The following FAF2 variants were observed in gnomAD, a reference collection of about 807,000 sequenced individuals.
FAF2 encodes the protein Fas associated factor family member 2, also known as FAS-associated factor 2.
In FAF2, 9 loss-of-function variants were observed where a neutral mutation model predicts 62.3. The observed-to-expected ratio is 0.14, with a 90% CI of 0.09 to 0.25. The LOEUF is 0.25. Ranked by LOEUF, FAF2 falls within the 10% of genes least tolerant of loss-of-function variation. The pLI, the probability that FAF2 is intolerant of heterozygous loss-of-function variation, is 1.00. For missense variants in FAF2, 368 were observed against 556.2 expected, an observed-to-expected ratio of 0.66 and a Z score of 3.40; for synonymous variants, 202 against 198.0, an observed-to-expected ratio of 1.02 and a Z score of -0.17.
At position 176,499,061 on chromosome 5, in the gene FAF2, G is replaced by A; in HGVS notation, c.987G>A (p.Lys329=). 1 of 1,602,316 alleles carries A rather than the reference G, an allele frequency of 6.2e-7. No individual in the cohort carries two copies. The highest frequency in any genetic ancestry group is 1.1e-5 in the South Asian group (1 of 90,156). The change falls in exon 9 of 11, where the codon AAG becomes AAA. Residue 329 remains lysine, a synonymous_variant. Transcript: ENST00000261942. ...AGGAGGAGGAGGTGCAACAGCAAAAGTTGGCAGAGGAGAGACGGCGGCAGG... is the reference window on the plus strand; with the variant it reads ...AGGAGGAGGAGGTGCAACAGCAAAAATTGGCAGAGGAGAGACGGCGGCAGG... ...RRKEEEVQQQ[K]LAEERRRQNL...
chr5:176,490,771 G>A (rs887137132), intron 4 of FAF2, among the ~76,000 whole-genome samples: 1 of 151,614 alleles, frequency 6.6e-6, no homozygotes, highest in Admixed American at 6.6e-5. Context: ...TGACATCTCT[G>A]TTTTTTTCTA....
At chr5:176,461,918 T>G (rs950208204) in intron 1 of FAF2, among the ~76,000 whole-genome samples, 1 of 152,144 alleles carries the variant, frequency 6.6e-6, no homozygotes, top group African/African-American at 2.4e-5. Flanking sequence ...CTTGTAGGAT[T>G]TTTATAGTTT....
chr5:176,489,407 A>G (rs906192205), intron 4 of FAF2, among the ~76,000 whole-genome samples: 2 of 150,974 alleles, frequency 1.3e-5, no homozygotes, highest in African/African-American at 2.4e-5. Context: ...TTCCTCAACT[A>G]CTTCTCCTCC....
At chr5:176,501,020 G>A (rs941089080) in intron 10 of FAF2, among the ~76,000 whole-genome samples, 3 of 151,964 alleles carry the variant, frequency 2.0e-5, no homozygotes, top group Non-Finnish European at 2.9e-5. Flanking sequence ...CCAGCTACTC[G>A]GGAGGCTGAG....
intron 1 of FAF2, among the ~76,000 whole-genome samples, chr5:176,458,311 G>A (rs999444246): frequency 2.7e-5 from 4 of 149,850 alleles, no homozygotes; most frequent in African/African-American, 9.8e-5. Flanking sequence ...TGAACTCCTG[G>A]CCTTAAGTGA....
chr5:176,502,762 A>G (rs1425367568), intron 10 of FAF2, among the ~76,000 whole-genome samples: 1 of 152,016 alleles, frequency 6.6e-6, no homozygotes, highest in Admixed American at 6.6e-5. Context: ...TTTAAAAAAG[A>G]GTATCGGCTG....
At chr5:176,460,598 T>G (rs1758362001) in intron 1 of FAF2, among the ~76,000 whole-genome samples, 1 of 150,418 alleles carries the variant, frequency 6.6e-6, no homozygotes, top group Non-Finnish European at 1.5e-5. Flanking sequence ...TGGGCTAGAG[T>G]GTAGTGGCAT....
intron 1 of FAF2, among the ~76,000 whole-genome samples, chr5:176,473,511 C>T (rs1758610271): frequency 6.6e-6 from 1 of 152,096 alleles, no homozygotes; most frequent in Non-Finnish European, 1.5e-5. Flanking sequence ...ATCCCCCTGC[C>T]CTGTTTCCGT....
At chr5:176,489,105 C>A in intron 4 of FAF2, 78 bp downstream of exon 4, 1 of 1,076,532 alleles carries the variant, frequency 9.3e-7, no homozygotes, top group Non-Finnish European at 1.4e-6. Flanking sequence ...AAGCTTTATG[C>A]TCTATCAATG....
intron 1 of FAF2, among the ~76,000 whole-genome samples, chr5:176,472,752 AAAAG>A (rs1404091089): frequency 1.3e-5 from 2 of 151,860 alleles, no homozygotes; most frequent in East Asian, 1.9e-4. Context: ...AAAGAAAGAA[AAAAG>A]AAAGAAAGAA....
chr5:176,487,218 T>C (rs922280276), intron 3 of FAF2, among the ~76,000 whole-genome samples: 2 of 152,200 alleles, frequency 1.3e-5, no homozygotes, highest in Admixed American at 6.5e-5. Context: ...AGGGTCTCAC[T>C]CTGTCGCCCA....
chr5:176,501,784 C>T (rs1214087855), intron 10 of FAF2, among the ~76,000 whole-genome samples: 4 of 152,058 alleles, frequency 2.6e-5, no homozygotes, highest in African/African-American at 4.8e-5. Context: ...GACAGAGTTT[C>T]GCCTTGTCAC....
At chr5:176,489,880 C>G (rs1758943396) in intron 4 of FAF2, among the ~76,000 whole-genome samples, 1 of 152,146 alleles carries the variant, frequency 6.6e-6, no homozygotes, top group Non-Finnish European at 1.5e-5. Flanking sequence ...TCTGGCAGCC[C>G]CTAGGTTGCA....
rs552421582 is a variant in FAF2 at position 176,494,278 on chromosome 5, A to G, written c.661+3A>G. On this transcript the variant is annotated splice_donor_region_variant and intron_variant, in intron 7 of 10. Coordinates refer to ENST00000261942, the MANE Select transcript of FAF2 (RefSeq NM_014613.3). This position sits in a 1 kb window ranked among gnomAD's most constrained non-coding sequence, Gnocchi z 4.0. ...AAACAAACCTGAGGGATACAGGGGT[A>G]AGTTATGTTTCTTCTGCCTCATTGA... is the stretch of plus-strand genomic sequence containing the variant. The G allele has an allele frequency of 3.7e-6, 6 of 1,609,264 alleles. No individual in the cohort carries two copies. The African/African-American group carries it at 6.7e-5, about 18-fold the overall frequency.
chr5:176,502,494 C>A (rs1173851610), intron 10 of FAF2, among the ~76,000 whole-genome samples: 1 of 151,254 alleles, frequency 6.6e-6, no homozygotes, highest in Non-Finnish European at 1.5e-5. Context: ...GCAGGAGAAA[C>A]GCTTGAGCCC....
At chr5:176,466,245 A>G (rs550850345) in intron 1 of FAF2, among the ~76,000 whole-genome samples, 22 of 152,332 alleles carry the variant, frequency 1.4e-4, no homozygotes, top group Admixed American at 5.9e-4. Context: ...TTCTCCTGCT[A>G]CTATCAGAGA....
chr5:176,481,651 T>A (rs1369476748), intron 2 of FAF2, among the ~76,000 whole-genome samples: 1 of 151,200 alleles, frequency 6.6e-6, no homozygotes, highest in Non-Finnish European at 1.5e-5. Flanking sequence ...AGTGAGACTC[T>A]GTCTCAAAAA....
chr5:176,500,243 G>A (rs1003707361), intron 10 of FAF2, 97 bp downstream of exon 10: 2 of 1,187,784 alleles, frequency 1.7e-6, no homozygotes, highest in Non-Finnish European at 2.4e-6. Flanking sequence ...TGTATCTGCT[G>A]CTCTGATGAA....
intron 1 of FAF2, among the ~76,000 whole-genome samples, chr5:176,460,172 T>C (rs1758353996): frequency 1.3e-5 from 2 of 152,334 alleles, no homozygotes; most frequent in African/African-American, 4.8e-5. Context: ...TTTGCTATCA[T>C]GAATAATGCT....
Sources: allele counts gnomAD v4.1 joint callset (sites outside exome capture counted in the v4.1 genomes callset), GRCh38; gene constraint gnomAD v4.1.1; non-coding constraint Gnocchi (gnomAD v3.1); transcripts MANE v1.5; gene names NCBI Gene and HGNC (gene_info 2026-07-23, HGNC 2026-07-21).